The following DPP4 variants were observed in gnomAD, a reference collection of about 807,000 sequenced individuals.
DPP4 encodes the protein dipeptidyl peptidase 4.
Under a neutral mutation model 122.4 loss-of-function variants are expected in DPP4, and 93 were observed. The ratio of observed to expected loss-of-function variants is 0.76; its 90% CI spans 0.64 to 0.90. The LOEUF (loss-of-function observed/expected upper bound fraction) is 0.90, where lower values mean the gene tolerates loss of function less well. Ranked by LOEUF, DPP4 falls within the 40% of genes least tolerant of loss-of-function variation. The pLI is 0.00. For missense variants in DPP4, 914 were observed against 907.3 expected (o/e 1.01, Z -0.09); for synonymous variants, 321 against 302.9 (o/e 1.06, Z -0.62).
At chr2:162,047,364 T>C in intron 3 of DPP4, 39 bp downstream of exon 3, 1 of 1,195,330 alleles carries the variant, frequency 8.4e-7, no homozygotes. Context: ...CTAGAATGAA[T>C]GTAAGCATAA....
At chr2:162,070,185 T>A (rs1250544914) in intron 2 of DPP4, among the ~76,000 whole-genome samples, 2 of 152,168 alleles carry the variant, frequency 1.3e-5, no homozygotes, top group Non-Finnish European at 1.5e-5. Flanking sequence ...TGAAAAAAAA[T>A]TTAAAACATA....
intron 20 of DPP4, among the ~76,000 whole-genome samples, chr2:162,011,025 A>T (rs972862724): frequency 2.0e-5 from 3 of 152,158 alleles, no homozygotes; most frequent in African/African-American, 7.2e-5. Flanking sequence ...TCAAATCCTG[A>T]TTCACTTTGG....
intron 2 of DPP4, among the ~76,000 whole-genome samples, chr2:162,067,197 C>T (rs141445100): frequency 3.5e-4 from 53 of 152,274 alleles, no homozygotes; most frequent in African/African-American, 1.3e-3. Context: ...AAATAAGAGT[C>T]ATCCATGAAA....
chr2:162,044,873 C>G (rs910021174), intron 5 of DPP4, among the ~76,000 whole-genome samples: 2 of 151,946 alleles, frequency 1.3e-5, no homozygotes, highest in African/African-American at 4.8e-5. Context: ...TGGTGGGGCC[C>G]GAAGGTTGGG....
At chr2:162,033,472 CT>C in intron 10 of DPP4, 68 bp downstream of exon 10, 3 of 1,256,908 alleles carry the variant, frequency 2.4e-6, no homozygotes, top group East Asian at 2.4e-5. Flanking sequence ...TTGCCATTCA[CT>C]TTTGAAAAGT....
intron 2 of DPP4, among the ~76,000 whole-genome samples, chr2:162,047,874 A>C (rs17848916): frequency 0.038 from 5,788 of 152,308 alleles, 249 homozygotes; most frequent in African/African-American, 0.097. Context: ...AGCCCAATAC[A>C]TCCAAAATAT....
chr2:162,017,033 C>T (rs1300346175), intron 17 of DPP4, 75 bp downstream of exon 17: 1 of 1,510,724 alleles, frequency 6.6e-7, no homozygotes, highest in African/African-American at 1.4e-5. Context: ...GAAAATCACA[C>T]AATGCTAAGT....
Position 162,035,320 on chromosome 2 carries a change from T to G in DPP4, c.618A>C (p.Glu206Asp). 2 of 1,607,008 alleles carry G rather than the reference T, an allele frequency of 1.2e-6. No individual in the cohort carries two copies. Among genetic ancestry groups the G allele is most frequent in the East Asian group, 4.5e-5 (2 of 44,824 alleles). The change falls in exon 9 of 26, where the codon GAA (glutamate) becomes GAC (aspartate). Residue 206 changes from glutamate (E) to aspartate (D), a missense_variant. Physicochemically the swap from Glu to Asp is conservative, Grantham distance 45. Coordinates refer to ENST00000360534, the MANE Select transcript of DPP4 (RefSeq NM_001935.4). ...NGITDWVYEEEVFSAYSALWW... is the reference protein window; with the variant it reads ...NGITDWVYEEDVFSAYSALWW... Reference sequence around the variant, plus strand: ...ACAGAGCAGAGTAGGCACTGAAGACTTCCTCTGAAAAAAGACACAAATTGT... The same window carrying G: ...ACAGAGCAGAGTAGGCACTGAAGACGTCCTCTGAAAAAAGACACAAATTGT...
intron 10 of DPP4, among the ~76,000 whole-genome samples, chr2:162,030,651 G>C (rs1683513840): frequency 6.6e-6 from 1 of 152,104 alleles, no homozygotes; most frequent in Non-Finnish European, 1.5e-5. Flanking sequence ...ATGTACTAGA[G>C]CATTTTTCCC....
chr2:162,059,796 A>T (rs1684698481), intron 2 of DPP4, among the ~76,000 whole-genome samples: 1 of 152,250 alleles, frequency 6.6e-6, no homozygotes, highest in South Asian at 2.1e-4. Flanking sequence ...CAAAACATTC[A>T]GCAGTATGGG....
Position 161,993,278 on chromosome 2 carries a change from A to G in DPP4, c.*5T>C. ...AAGCTTTAAATGGCATGGTATTTTG[A>G]GGTGCTAAGGTAAAGAGAAACATTG... On this transcript the variant is annotated 3_prime_UTR_variant, in exon 26 of 26. Transcript: ENST00000360534. 1 of 1,600,174 alleles carries G rather than the reference A, an allele frequency of 6.2e-7. No homozygotes were observed. The highest frequency in any genetic ancestry group is 8.6e-7 in the Non-Finnish European group (1 of 1,167,488).
chr2:162,032,778 G>A (rs959565365), intron 10 of DPP4, among the ~76,000 whole-genome samples: 6 of 151,864 alleles, frequency 4.0e-5, no homozygotes, highest in Admixed American at 1.3e-4. Flanking sequence ...TCAGAGAGCC[G>A]TAAATTGTAC....
chr2:162,005,185 C>G (rs1447804922), intron 23 of DPP4, among the ~76,000 whole-genome samples: 2 of 152,186 alleles, frequency 1.3e-5, no homozygotes, highest in Non-Finnish European at 2.9e-5. Context: ...GCAGAGCAAC[C>G]TGCCCACTGG....
chr2:162,043,620 G>C lies in DPP4; in HGVS notation c.366+1912C>G, dbSNP rs533953047. Reference sequence around the variant, plus strand: ...CCTGGCTATATAGTAAGGTGAGCTGGTATTACCTTTCTGTTTCTACCTTAC... The same window carrying C: ...CCTGGCTATATAGTAAGGTGAGCTGCTATTACCTTTCTGTTTCTACCTTAC... On this transcript the variant is annotated intron_variant, in intron 5 of 25. Coordinates refer to ENST00000360534, the MANE Select transcript of DPP4 (RefSeq NM_001935.4). Among the ~76,000 whole-genome samples, 6 of 152,280 alleles carry C rather than the reference G, an allele frequency of 3.9e-5. No homozygotes were observed. The South Asian group carries it at 1.2e-3, about 32-fold the overall frequency.
rs950887009 is a variant in DPP4 at position 162,014,414 on chromosome 2, T to C, written c.1619A>G (p.Tyr540Cys). 3 of 1,608,068 alleles carry C rather than the reference T, an allele frequency of 1.9e-6. No homozygotes were observed. Among genetic ancestry groups the C allele is most frequent in the Non-Finnish European group, 2.5e-6 (3 of 1,176,558 alleles). The change falls in exon 19 of 26, where the codon TAT becomes TGT. Residue 540 changes from tyrosine to cysteine, a missense_variant. Transcript: ENST00000360534. Reference protein sequence around the residue: ...LPPHFDKSKKYPLLLDVYAGP... With the variant: ...LPPHFDKSKKCPLLLDVYAGP... ...TACTTACACATCTAATAGTAGAGGA[T>C]ATTTCTTGGATTTATCAAAATGAGG...
intron 22 of DPP4, among the ~76,000 whole-genome samples, chr2:162,006,687 A>T (rs1701290399): frequency 6.6e-6 from 1 of 152,164 alleles, no homozygotes; most frequent in South Asian, 2.1e-4. Context: ...TAAAAAATTA[A>T]ATGATACATT....
intron 5 of DPP4, among the ~76,000 whole-genome samples, chr2:162,042,478 T>G (rs1043391116): frequency 6.6e-6 from 1 of 152,174 alleles, no homozygotes; most frequent in African/African-American, 2.4e-5. Flanking sequence ...AGTCACATAG[T>G]AGGATCTAAA....
rs1682947834 is a variant in DPP4 at position 162,016,943 on chromosome 2, C to T, written c.1469-77G>A. On this transcript the variant is annotated intron_variant, in intron 17 of 25. Coordinates refer to ENST00000360534, the MANE Select transcript of DPP4 (RefSeq NM_001935.4). ...ATTATGTAGTGCAATAATGAGCAAA[C>T]ATGAAATTCACTGATCGGACTACAC... The T allele has an allele frequency of 4.8e-6, 7 of 1,466,562 alleles. No individual in the cohort carries two copies. The African/African-American group carries it at 9.8e-5, about 21-fold the overall frequency. The allele number at this position is 1,466,562 out of a possible 1,614,324, so 90.8% of individuals were successfully genotyped here.
chr2:161,999,299 G>GA (rs1308545902), intron 23 of DPP4, among the ~76,000 whole-genome samples: 1 of 151,988 alleles, frequency 6.6e-6, no homozygotes, highest in Admixed American at 6.5e-5. Context: ...TTAATGATTA[G>GA]AAAAAAAATT....
Sources: gnomAD v4.1 joint callset for allele counts (sites outside exome capture counted in the v4.1 genomes callset) on GRCh38, gnomAD v4.1.1 for gene constraint, MANE v1.5 for transcripts, NCBI Gene and HGNC (gene_info 2026-07-23, HGNC 2026-07-21) for gene names.